The following SFXN2 variants were observed in gnomAD, a reference collection of about 807,000 sequenced individuals.
The protein encoded by SFXN2 is sideroflexin-2.
Under a neutral mutation model 41.9 loss-of-function variants are expected in SFXN2, and 37 were observed. The observed-to-expected ratio is 0.88, with a 90% CI of 0.68 to 1.16. The LOEUF is 1.16. SFXN2 is among the 50% of genes most tolerant of loss of function. The probability of loss-of-function intolerance (pLI) is 0.00; values close to 1 mark genes in which losing one functional copy is unlikely to be tolerated. For missense variants in SFXN2, 386 were observed against 425.2 expected, an observed-to-expected ratio of 0.91 and a Z score of 0.81; for synonymous variants, 150 against 156.7, an observed-to-expected ratio of 0.96 and a Z score of 0.32.
At position 102,731,746 on chromosome 10, in the gene SFXN2, T is replaced by C. The variant is rs766038117; in HGVS notation, c.617T>C (p.Val206Ala). Residue 206 changes from valine to alanine, a missense_variant, in exon 7 of 12, where the codon GTG becomes GCG. By Grantham distance (64) the Val-to-Ala change is moderately conservative. Transcript: ENST00000369893. ...AGGGAGCTCATAAAGGGAATCTGCG[T>C]GAAGGACAGGAATGAAAATGAGATT... The part of the protein sequence containing the change: ...RQQELIKGIC[V>A]KDRNENEIGH... 2 of 1,613,854 alleles carry C rather than the reference T, an allele frequency of 1.2e-6. No individual in the cohort carries two copies. The highest frequency in any genetic ancestry group is 2.7e-5 in the African/African-American group (2 of 74,920).
chr10:102,722,505 A>G (rs755204607), intron 1 of SFXN2, among the ~76,000 whole-genome samples: 1 of 152,188 alleles, frequency 6.6e-6, no homozygotes, highest in Non-Finnish European at 1.5e-5. Flanking sequence ...ACAGTTCAGA[A>G]TAAGAGAAAT....
rs1362435591 is a variant in SFXN2, at chr10:102,733,579, T to C, written c.797T>C (p.Leu266Ser). Residue 266 changes from leucine to serine, a missense_variant, in exon 10 of 12, where the codon TTG (leucine) becomes TCG (serine). Physicochemically the swap from Leu to Ser is moderately radical, Grantham distance 145. Transcript: ENST00000369893. The stretch of plus-strand genomic sequence containing the variant: ...AAAGTCAAGGTCCTGCACGCCCCAT[T>C]GCAGGTCATGCTGAGCGGGTGCTTG... ...MQKVKVLHAP[L>S]QVMLSGCFLI... is the part of the protein sequence containing the mutation. 3 of 1,614,182 alleles carry C rather than the reference T, an allele frequency of 1.9e-6. No homozygotes were observed. The highest frequency in any genetic ancestry group is 2.5e-6 in the Non-Finnish European group (3 of 1,179,998).
chr10:102,733,465 G>C, intron 9 of SFXN2, 89 bp from the exon 10 acceptor site: 1 of 1,112,128 alleles, frequency 9.0e-7, no homozygotes, highest in Non-Finnish European at 1.4e-6. Flanking sequence ...GGCTTTTCTA[G>C]CTGGCTGATC....
chr10:102,731,594 A>G, intron 6 of SFXN2, 129 bp from the exon 7 acceptor site: 1 of 723,128 alleles, frequency 1.4e-6, no homozygotes, highest in Non-Finnish European at 2.5e-6. Flanking sequence ...AAGGAAGGTC[A>G]AAGGCCCAGG....
intron 10 of SFXN2, 22 bp downstream of exon 10, chr10:102,733,625 T>C: frequency 6.2e-7 from 1 of 1,611,482 alleles, no homozygotes; most frequent in Non-Finnish European, 8.5e-7. Flanking sequence ...ATTTTGATGA[T>C]TTGGGTTCTG....
At position 102,729,338 on chromosome 10, in the gene SFXN2, T is replaced by A; in HGVS notation, c.451T>A (p.Phe151Ile). The A allele has an allele frequency of 6.2e-7, 1 of 1,614,184 alleles. No individual in the cohort carries two copies. The highest frequency in any genetic ancestry group is 2.2e-5 in the East Asian group (1 of 44,888). The change falls in exon 5 of 12, where the codon TTC (phenylalanine) becomes ATC (isoleucine). Residue 151 changes from phenylalanine (F) to isoleucine (I), a missense_variant. By Grantham distance (21) the Phe-to-Ile change is conservative. Coordinates refer to ENST00000369893, the MANE Select transcript of SFXN2 (RefSeq NM_178858.6). Reference protein sequence around the residue: ...TSVRQMALSYFTATTTAVATA... With the variant: ...TSVRQMALSYITATTTAVATA... ...CCCCAGGCAGATGGCCCTTTCCTAC[T>A]TCACAGCCACAACCACTGCTGTGGC...
chr10:102,726,987 G>C lies in SFXN2; in HGVS notation c.162G>C (p.Arg54Ser). The change falls in exon 3 of 12, where the codon AGG (arginine) becomes AGC (serine). Residue 54 changes from arginine (R) to serine (S), a missense_variant and splice_region_variant. Physicochemically the swap from Arg to Ser is moderately radical, Grantham distance 110 (BLOSUM62 -1). Coordinates refer to ENST00000369893, the MANE Select transcript of SFXN2 (RefSeq NM_178858.6). ...ACTGCCTGCTGTCCTTGGGTGGCAG[G>C]ATGGGGGTTGTGCCCCCAGGCACCC... ...DWAKVMVEKS[R>S]MGVVPPGTQV... 1 of 1,595,874 alleles carries C rather than the reference G, an allele frequency of 6.3e-7. No homozygotes were observed. Among genetic ancestry groups the C allele is most frequent in the Non-Finnish European group, 8.6e-7 (1 of 1,165,684 alleles).
At chr10:102,723,357 T>G (rs1435859963) in intron 1 of SFXN2, among the ~76,000 whole-genome samples, 1 of 151,810 alleles carries the variant, frequency 6.6e-6, no homozygotes, top group Non-Finnish European at 1.5e-5. Flanking sequence ...GTACAAGCGA[T>G]TCTCCTGCCT....
Position 102,739,090 on chromosome 10 carries a change from G to C in SFXN2, c.*1328G>C, listed in dbSNP as rs1428475902. ...CTGTTGTTTCTCATCTGGAATCAAT[G>C]TGTGTATGAGTTTTGTCTGGTAGGA... On this transcript the variant is annotated 3_prime_UTR_variant, in exon 12 of 12. Coordinates refer to ENST00000369893, the MANE Select transcript of SFXN2 (RefSeq NM_178858.6). The C allele has an allele frequency of 6.6e-6, 1 of 152,350 alleles. No individual in the cohort carries two copies. Among genetic ancestry groups the C allele is most frequent in the Non-Finnish European group, 1.5e-5 (1 of 68,038 alleles). The allele number at this position is 152,350 out of a possible 1,614,324, so 9.4% of individuals were successfully genotyped here. A position where few individuals can be genotyped will look rare whatever the true frequency, so the allele number is the denominator to read the frequency against.
At chr10:102,718,346 C>A (rs2064448397) in intron 1 of SFXN2, among the ~76,000 whole-genome samples, 1 of 152,264 alleles carries the variant, frequency 6.6e-6, no homozygotes, top group African/African-American at 2.4e-5. Flanking sequence ...CTGTCTCCAG[C>A]ATGTATGAGC....
intron 1 of SFXN2, among the ~76,000 whole-genome samples, chr10:102,715,503 G>A (rs2064396067): frequency 6.6e-6 from 1 of 152,190 alleles, no homozygotes; most frequent in Non-Finnish European, 1.5e-5. Flanking sequence ...TCCCGATGCA[G>A]AGGACTATAA....
rs1275937774 is a variant in SFXN2, at chr10:102,734,045, G to A, written c.821+442G>A. Among the ~76,000 whole-genome samples, 2 of 152,082 alleles carry A rather than the reference G, an allele frequency of 1.3e-5. No individual in the cohort carries two copies. The highest frequency in any genetic ancestry group is 4.8e-5 in the African/African-American group (2 of 41,426). On this transcript the variant is annotated intron_variant, in intron 10 of 11. Transcript: ENST00000369893. The surrounding 1 kb of genome is among the most constrained non-coding windows in gnomAD (Gnocchi z 4.1). ...TGGGATTACAGGCACGCACCATGAT[G>A]CCTTGCTAATTTTTGTATTTCATCA...
In SFXN2 at chr10:102,735,869, T is replaced by G; in HGVS notation, c.829T>G (p.Phe277Val). 6.2e-7 allele frequency: 1 copy of G among 1,614,146 alleles called. No homozygotes were observed. Among genetic ancestry groups the G allele is most frequent in the Non-Finnish European group, 8.5e-7 (1 of 1,180,010 alleles). Reference protein sequence around the residue: ...QVMLSGCFLIFMVPVACGLFP... With the variant: ...QVMLSGCFLIVMVPVACGLFP... ...GTTTCTCCTTTCTTGCAGCCTCATC[T>G]TCATGGTGCCAGTGGCGTGTGGGCT... Residue 277 changes from phenylalanine (F) to valine (V), a missense_variant, in exon 11 of 12, where the codon TTC (phenylalanine) becomes GTC (valine). Physicochemically the swap from Phe to Val is conservative, Grantham distance 50. Transcript: ENST00000369893.
At chr10:102,729,207 C>T in intron 4 of SFXN2, 112 bp from the exon 5 acceptor site, 10 of 930,530 alleles carry the variant, frequency 1.1e-5, no homozygotes, top group South Asian at 1.0e-4. Flanking sequence ...GGGGACAGAT[C>T]CTGTGCGGTT....
chr10:102,737,704 C>T lies in SFXN2; in HGVS notation c.911C>T (p.Thr304Ile). ...TATCTGGAACCGAAGCTCCAAGACA[C>T]TATCAAGGCCAAGTATGGAGAACTT... ...VSYLEPKLQDTIKAKYGELEP... is the reference protein window; with the variant it reads ...VSYLEPKLQDIIKAKYGELEP... The change falls in exon 12 of 12, where the codon ACT (threonine) becomes ATT (isoleucine). Residue 304 changes from threonine (T) to isoleucine (I), a missense_variant. Transcript: ENST00000369893. The T allele has an allele frequency of 8.1e-6, 13 of 1,613,266 alleles. No individual in the cohort carries two copies. The highest frequency in any genetic ancestry group is 1.1e-5 in the Non-Finnish European group (13 of 1,179,382).
chr10:102,727,137 C>A lies in SFXN2; in HGVS notation c.312C>A (p.Gly104=). Residue 104 remains glycine, a synonymous_variant, in exon 3 of 12, where the codon GGC becomes GGA. Coordinates refer to ENST00000369893, the MANE Select transcript of SFXN2 (RefSeq NM_178858.6). ...TTCCTGGCGGCATGATCATCACGGG[C>A]TTCATGCTCCAGTTCTACAGGTGGG... ...FQLPGGMIIT[G]FMLQFYRTMP... The A allele has an allele frequency of 6.2e-7, 1 of 1,602,688 alleles. No homozygotes were observed. The highest frequency in any genetic ancestry group is 8.5e-7 in the Non-Finnish European group (1 of 1,170,382).
At chr10:102,723,408 C>T (rs543033587) in intron 1 of SFXN2, among the ~76,000 whole-genome samples, 3 of 151,834 alleles carry the variant, frequency 2.0e-5, no homozygotes, top group African/African-American at 7.3e-5. Flanking sequence ...CCTGCCACTG[C>T]GCCCGGCTAA....
At chr10:102,720,317 A>T (rs2482502) in intron 1 of SFXN2, among the ~76,000 whole-genome samples, 1 of 129,962 alleles carries the variant, frequency 7.7e-6, no homozygotes, top group East Asian at 2.2e-4. Context: ...AAAAAAAAAA[A>T]CCCATGGCAG....
intron 4 of SFXN2, among the ~76,000 whole-genome samples, chr10:102,729,107 G>A (rs2064657735): frequency 1.3e-5 from 2 of 152,252 alleles, no homozygotes; most frequent in South Asian, 4.1e-4. Context: ...CTCCGAGGCA[G>A]GGAGGAACTT....
Sources: gnomAD v4.1 joint callset for allele counts (sites outside exome capture counted in the v4.1 genomes callset) on GRCh38, gnomAD v4.1.1 for gene constraint, Gnocchi (gnomAD v3.1) non-coding constraint, MANE v1.5 for transcripts, NCBI Gene and HGNC (gene_info 2026-07-23, HGNC 2026-07-21) for gene names.